The following USP32 variants were observed in gnomAD, a reference collection of about 807,000 sequenced individuals.
USP32 encodes the protein ubiquitin carboxyl-terminal hydrolase 32.
USP32 carries 59 observed loss-of-function variants against 204.8 expected under a neutral mutation model. The ratio of observed to expected loss-of-function variants is 0.29; its 90% CI spans 0.23 to 0.36. The LOEUF is 0.36. USP32 is among the 10% of genes least tolerant of loss of function. The pLI is 1.00. For synonymous variants in USP32, 517 were observed against 678.4 expected, an observed-to-expected ratio of 0.76 and a Z score of 3.70; for missense variants, 1,160 against 1,946.4, an observed-to-expected ratio of 0.60 and a Z score of 7.60.
At chr17:60,349,924 A>T (rs988863928) in intron 1 of USP32, among the ~76,000 whole-genome samples, 1 of 151,238 alleles carries the variant, frequency 6.6e-6, no homozygotes, top group South Asian at 2.1e-4. Flanking sequence ...AATGTTGAAA[A>T]TTTTGAAAAT....
chr17:60,353,469 G>A (rs1019689083), intron 1 of USP32, among the ~76,000 whole-genome samples: 1 of 152,138 alleles, frequency 6.6e-6, no homozygotes, highest in Non-Finnish European at 1.5e-5. Flanking sequence ...AGGCCAGTGC[G>A]GTGGCTCACA....
At chr17:60,310,223 C>G (rs961019172) in intron 2 of USP32, among the ~76,000 whole-genome samples, 25 of 152,104 alleles carry the variant, frequency 1.6e-4, no homozygotes, top group Admixed American at 1.4e-3. Flanking sequence ...ACCATATGAT[C>G]CAGCAAATTG....
chr17:60,300,360 T>C (rs566057843), intron 3 of USP32, among the ~76,000 whole-genome samples: 1 of 150,858 alleles, frequency 6.6e-6, no homozygotes, highest in East Asian at 1.9e-4. Flanking sequence ...TAAATAAATC[T>C]ATATCCCACG....
At chr17:60,366,521 C>T (rs1212759091) in intron 1 of USP32, among the ~76,000 whole-genome samples, 1 of 152,110 alleles carries the variant, frequency 6.6e-6, no homozygotes, top group East Asian at 1.9e-4. Context: ...CCACCTCAGC[C>T]TACCAAAGTG....
chr17:60,412,404 A>C, intron 1 of USP32, among the ~76,000 whole-genome samples: 1 of 142,906 alleles, frequency 7.0e-6, no homozygotes, highest in African/African-American at 2.5e-5. Context: ...CTAGTGGGGA[A>C]TGGGGGCGGT....
At chr17:60,241,482 C>CT (rs1336802303) in intron 11 of USP32, among the ~76,000 whole-genome samples, 4 of 152,018 alleles carry the variant, frequency 2.6e-5, no homozygotes, top group African/African-American at 9.7e-5. Flanking sequence ...AGCTATAAAT[C>CT]TTTGTCTCTT....
chr17:60,208,290 A>C (rs2084880857), intron 23 of USP32, 80 bp from the exon 24 acceptor site: 7 of 1,353,886 alleles, frequency 5.2e-6, no homozygotes, highest in Non-Finnish European at 6.7e-6. Context: ...GATATATCTG[A>C]CCTGTAAATA....
At chr17:60,345,380 C>A in intron 2 of USP32, 101 bp downstream of exon 2, 2 of 1,489,748 alleles carry the variant, frequency 1.3e-6, no homozygotes, top group Non-Finnish European at 1.8e-6. Flanking sequence ...AAAATAACTA[C>A]AGGTAAGATT....
At chr17:60,284,514 C>T (rs540297317) in intron 5 of USP32, among the ~76,000 whole-genome samples, 11 of 152,028 alleles carry the variant, frequency 7.2e-5, no homozygotes, top group Non-Finnish European at 1.5e-4. Flanking sequence ...GCCACCACGC[C>T]CAGCCTAATT....
chr17:60,388,909 A>T (rs1016964563), intron 1 of USP32, among the ~76,000 whole-genome samples: 1 of 152,200 alleles, frequency 6.6e-6, no homozygotes, highest in Non-Finnish European at 1.5e-5. Context: ...CATTAACATA[A>T]CACTTCGTTT....
At chr17:60,224,721 T>C (rs1013488961) in intron 13 of USP32, among the ~76,000 whole-genome samples, 1 of 152,232 alleles carries the variant, frequency 6.6e-6, no homozygotes, top group African/African-American at 2.4e-5. Flanking sequence ...AACTGGAGGT[T>C]ACAGTGAGCT....
At chr17:60,401,444 T>C (rs116802718) in intron 1 of USP32, among the ~76,000 whole-genome samples, 2,809 of 152,272 alleles carry the variant, frequency 0.018, 85 homozygotes, top group African/African-American at 0.062. Flanking sequence ...TTAGGAGCTT[T>C]ATTGGTTTTT....
intron 2 of USP32, among the ~76,000 whole-genome samples, chr17:60,319,623 TATAAAA>T (rs577895423): frequency 1.7e-4 from 26 of 151,650 alleles, no homozygotes; most frequent in African/African-American, 5.6e-4. Flanking sequence ...ACCAAAAAAA[TATAAAA>T]ATTAGGCAGA....
chr17:60,330,117 C>A (rs1418112663), intron 2 of USP32, among the ~76,000 whole-genome samples: 1 of 152,162 alleles, frequency 6.6e-6, no homozygotes, highest in Non-Finnish European at 1.5e-5. Context: ...AAGGAAGAAA[C>A]TGAATCCTCC....
At chr17:60,388,167 C>T (rs933575292) in intron 1 of USP32, among the ~76,000 whole-genome samples, 1 of 152,084 alleles carries the variant, frequency 6.6e-6, no homozygotes, top group South Asian at 2.1e-4. Flanking sequence ...TATAGTTCAT[C>T]ACTCAGCTAC....
intron 26 of USP32, among the ~76,000 whole-genome samples, chr17:60,202,306 C>G (rs1052804468): frequency 1.3e-5 from 2 of 152,174 alleles, no homozygotes; most frequent in African/African-American, 4.8e-5. Flanking sequence ...TTTTAAATAT[C>G]ATATCTTTGT....
chr17:60,256,723 CAGA>C, intron 9 of USP32: 1 of 1,140,000 alleles, frequency 8.8e-7, no homozygotes, highest in East Asian at 7.1e-5. Flanking sequence ...ACCACGGCAA[CAGA>C]AGAACTTCAA....
Position 60,177,829 on chromosome 17 carries a change from G to T in USP32, c.*1426C>A, listed in dbSNP as rs184564730. Reference sequence around the variant, plus strand: ...AGAACACAAATACTTAGTTACATTGGTAATTACTATCTATGAGGAAGAAAG... The same window carrying T: ...AGAACACAAATACTTAGTTACATTGTTAATTACTATCTATGAGGAAGAAAG... On this transcript the variant is annotated 3_prime_UTR_variant, in exon 34 of 34. Transcript: ENST00000300896. Among the ~76,000 whole-genome samples, 868 of 152,226 alleles carry T rather than the reference G, an allele frequency of 5.7e-3. 5 individuals carry two copies. Among genetic ancestry groups the T allele is most frequent in the Middle Eastern group, 0.017 (5 of 294 alleles).
chr17:60,416,820 T>C (rs2090065544), intron 1 of USP32, among the ~76,000 whole-genome samples: 1 of 152,040 alleles, frequency 6.6e-6, no homozygotes, highest in Non-Finnish European at 1.5e-5. Context: ...GTACTAACAG[T>C]TATTTCCTCC....
Sources: gnomAD v4.1 joint callset for allele counts (sites outside exome capture counted in the v4.1 genomes callset) on GRCh38, gnomAD v4.1.1 for gene constraint, MANE v1.5 for transcripts, NCBI Gene and HGNC (gene_info 2026-07-23, HGNC 2026-07-21) for gene names.